Variants in VAV3 observed in about 807,000 individuals in gnomAD.
VAV3 encodes vav guanine nucleotide exchange factor 3.
Under a neutral mutation model 131.2 loss-of-function variants are expected in VAV3, and 94 were observed. The ratio of observed to expected loss-of-function variants is 0.72; its 90% CI spans 0.61 to 0.85. The LOEUF is 0.85. VAV3 is among the 40% of genes least tolerant of loss of function. VAV3 has a pLI of 0.00. For synonymous variants in VAV3, 349 were observed against 342.0 expected (o/e 1.02, Z -0.22); for missense variants, 939 against 1,002.7 (o/e 0.94, Z 0.86).
At chr1:107,669,300 C>G in intron 19 of VAV3, 1 of 1,286,220 alleles carries the variant, frequency 7.8e-7, no homozygotes, top group African/African-American at 1.5e-5. Flanking sequence ...ACAAAAAGAG[C>G]TACCCAGTAT....
chr1:107,715,483 A>G (rs1661040020), intron 15 of VAV3, among the ~76,000 whole-genome samples: 2 of 152,212 alleles, frequency 1.3e-5, no homozygotes, highest in Non-Finnish European at 2.9e-5. Context: ...TGTAATAAGC[A>G]TATTAAAACT....
intron 15 of VAV3, among the ~76,000 whole-genome samples, chr1:107,732,423 G>A (rs1662304232): frequency 1.3e-5 from 2 of 152,230 alleles, no homozygotes; most frequent in Non-Finnish European, 2.9e-5. Context: ...CCTCACCCAA[G>A]AAGCTCAAGG....
intron 1 of VAV3, among the ~76,000 whole-genome samples, chr1:107,891,407 A>G (rs1671305447): frequency 6.6e-6 from 1 of 152,174 alleles, no homozygotes; most frequent in Non-Finnish European, 1.5e-5. Context: ...ATGGCCTACT[A>G]CAAGGCAAAT....
intron 25 of VAV3, among the ~76,000 whole-genome samples, chr1:107,577,493 C>A (rs1388756169): frequency 6.6e-6 from 1 of 152,228 alleles, no homozygotes; most frequent in Admixed American, 6.5e-5. Context: ...GAGAAGGCTA[C>A]ATTTCTCAGC....
chr1:107,822,660 ATAAAT>A (rs1557867257), intron 2 of VAV3, among the ~76,000 whole-genome samples: 3 of 19,542 alleles, frequency 1.5e-4, no homozygotes, highest in African/African-American at 2.1e-4. Flanking sequence ...CTCAAAAAAA[ATAAAT>A]AAATAAATAA....
At chr1:107,827,251 A>G (rs1259224967) in intron 2 of VAV3, among the ~76,000 whole-genome samples, 2 of 152,176 alleles carry the variant, frequency 1.3e-5, no homozygotes, top group Non-Finnish European at 1.5e-5. Flanking sequence ...AATGGAAAGG[A>G]CAGCACTATT....
At chr1:107,682,258 T>C (rs1194472448) in intron 19 of VAV3, among the ~76,000 whole-genome samples, 1 of 152,150 alleles carries the variant, frequency 6.6e-6, no homozygotes, top group East Asian at 1.9e-4. Flanking sequence ...TGCATTTCCC[T>C]GAGGGGAGAA....
At chr1:107,796,260 G>A (rs1666538583) in intron 2 of VAV3, among the ~76,000 whole-genome samples, 1 of 152,080 alleles carries the variant, frequency 6.6e-6, no homozygotes, top group African/African-American at 2.4e-5. Flanking sequence ...TGGGCCCCAG[G>A]CTCTCATCTC....
chr1:107,707,602 T>C (rs558562342), intron 15 of VAV3, among the ~76,000 whole-genome samples: 1 of 152,322 alleles, frequency 6.6e-6, no homozygotes, highest in African/African-American at 2.4e-5. Context: ...ACACCCATTC[T>C]TCTGAGAATC....
At chr1:107,712,506 A>G (rs1199727847) in intron 15 of VAV3, among the ~76,000 whole-genome samples, 1 of 152,238 alleles carries the variant, frequency 6.6e-6, no homozygotes, top group Non-Finnish European at 1.5e-5. Flanking sequence ...AAGAAATACT[A>G]AAATGTTTTT....
chr1:107,793,116 T>A (rs1666374733), intron 2 of VAV3, among the ~76,000 whole-genome samples: 1 of 152,174 alleles, frequency 6.6e-6, no homozygotes, highest in African/African-American at 2.4e-5. Context: ...GCAGACACTA[T>A]AAAATGCTCA....
intron 1 of VAV3, among the ~76,000 whole-genome samples, chr1:107,951,565 A>G (rs2101341716): frequency 6.6e-6 from 1 of 152,286 alleles, no homozygotes; most frequent in Admixed American, 6.5e-5. Context: ...ATTTTTGCAA[A>G]CTATGCATCT....
At position 107,617,570 on chromosome 1, in the gene VAV3, T is replaced by G. The variant is rs1267200026; in HGVS notation, c.1977A>C (p.Pro659=). Residue 659 remains proline (P), a synonymous_variant, in exon 21 of 27, where the codon CCA becomes CCC. Coordinates refer to ENST00000370056, the MANE Select transcript of VAV3 (RefSeq NM_006113.5). ...AAATTAAGATACTAATACTTACACA[T>G]GGGCAAGGCTTGACTGCATCACTTG... ...FFPSDAVKPC[P]CVPKPVDYSC... is the part of the protein sequence containing the mutation. The G allele has an allele frequency of 6.2e-7, 1 of 1,610,424 alleles. No homozygotes were observed. Among genetic ancestry groups the G allele is most frequent in the Non-Finnish European group, 8.5e-7 (1 of 1,178,222 alleles).
intron 2 of VAV3, among the ~76,000 whole-genome samples, chr1:107,791,695 C>T (rs1666296041): frequency 6.6e-6 from 1 of 152,100 alleles, no homozygotes; most frequent in Admixed American, 6.5e-5. Context: ...AGTATGCAGC[C>T]AGGGTTGAAA....
At position 107,683,119 on chromosome 1, in the gene VAV3, C is replaced by A. The variant is rs554065230; in HGVS notation, c.1777+369G>T. ...GGGTACCAGTTGTCTGGTTTATGCTCTCCCCTACTTACTTAGAAAACAGTG... is the reference window on the plus strand; with the variant it reads ...GGGTACCAGTTGTCTGGTTTATGCTATCCCCTACTTACTTAGAAAACAGTG... On this transcript the variant is annotated intron_variant, in intron 19 of 26. Coordinates refer to ENST00000370056, the MANE Select transcript of VAV3 (RefSeq NM_006113.5). Among the ~76,000 whole-genome samples, 6 of 152,280 alleles carry A rather than the reference C, an allele frequency of 3.9e-5. No homozygotes were observed. In the East Asian group the frequency reaches 9.7e-4, roughly 25 times the overall value.
chr1:107,769,660 A>C (rs1304742102), intron 6 of VAV3, among the ~76,000 whole-genome samples: 4 of 152,072 alleles, frequency 2.6e-5, no homozygotes, highest in African/African-American at 9.7e-5. Flanking sequence ...TTTCTCAACA[A>C]ATCCCATTCA....
intron 17 of VAV3, among the ~76,000 whole-genome samples, chr1:107,689,314 C>A (rs571985270): frequency 3.3e-5 from 5 of 152,080 alleles, no homozygotes; most frequent in Non-Finnish European, 7.4e-5. Context: ...CACAGAGAGA[C>A]ATCAGGACAG....
intron 2 of VAV3, among the ~76,000 whole-genome samples, chr1:107,828,932 G>T (rs752223094): frequency 5.3e-5 from 8 of 152,148 alleles, no homozygotes; most frequent in Non-Finnish European, 1.2e-4. Flanking sequence ...CCTGCAAAAT[G>T]AGAAGTCTGA....
At chr1:107,764,928 T>C (rs184115368) in intron 9 of VAV3, 148 bp downstream of exon 9, 7 of 561,240 alleles carry the variant, frequency 1.2e-5, no homozygotes, top group Non-Finnish European at 2.2e-5. Flanking sequence ...ATATTACTAT[T>C]TTATAGAGCT....
Sources: allele counts gnomAD v4.1 joint callset (sites outside exome capture counted in the v4.1 genomes callset), GRCh38; gene constraint gnomAD v4.1.1; transcripts MANE v1.5; gene names NCBI Gene and HGNC (gene_info 2026-07-23, HGNC 2026-07-21).